Variants in RAB3A observed in about 807,000 individuals in gnomAD.
RAB3A encodes the protein ras-related protein Rab-3A.
In RAB3A, 5 loss-of-function variants were observed where a neutral mutation model predicts 19.7. That is an observed-to-expected ratio of 0.25 (90% confidence interval 0.13 to 0.53). RAB3A has a LOEUF of 0.53. RAB3A is among the 20% of genes least tolerant of loss of function. RAB3A has a pLI of 0.95. For missense variants in RAB3A, 189 were observed against 305.6 expected (o/e 0.62, Z 2.85); for synonymous variants, 119 against 122.1 (o/e 0.97, Z 0.17).
intron 4 of RAB3A, 38 bp from the exon 5 acceptor site, chr19:18,197,698 C>A (rs8109807): frequency 6.5e-7 from 1 of 1,537,194 alleles, no homozygotes; most frequent in African/African-American, 1.4e-5. Context: ...ACCCTGGCCA[C>A]GCCCTATGCC....
At chr19:18,203,588 AG>A (rs1343289531) in intron 1 of RAB3A, among the ~76,000 whole-genome samples, 1 of 152,128 alleles carries the variant, frequency 6.6e-6, no homozygotes, top group Non-Finnish European at 1.5e-5. Flanking sequence ...TGACACAGGC[AG>A]GCGCGCACAC....
chr19:18,203,703 G>A (rs1967645803), intron 1 of RAB3A, among the ~76,000 whole-genome samples, 193 bp downstream of exon 1: 1 of 152,132 alleles, frequency 6.6e-6, no homozygotes, highest in Non-Finnish European at 1.5e-5. Context: ...CAGGGGGGTT[G>A]GGGGGGTTAG....
In RAB3A at chr19:18,201,071, C is replaced by T. The variant is rs1307699121; in HGVS notation, c.229-626G>A. 3.3e-5 allele frequency among the ~76,000 whole-genome samples: 5 copies of T among 150,980 alleles called. No individual in the cohort carries two copies. The East Asian group carries it at 9.7e-4, about 29-fold the overall frequency. ...CCAACATGGTGAAACTCTGTCTCTA[C>T]TAAAAATACAAAAATTAGCTCGGCG... On this transcript the variant is annotated intron_variant, in intron 2 of 4. Transcript: ENST00000222256.
In RAB3A at chr19:18,202,573, G is replaced by A. The variant is rs1311494813; in HGVS notation, c.168C>T (p.Gly56=). The A allele has an allele frequency of 6.2e-7, 1 of 1,614,096 alleles. No homozygotes were observed. The highest frequency in any genetic ancestry group is 8.5e-7 in the Non-Finnish European group (1 of 1,180,052). The change falls in exon 2 of 5, where the codon GGC becomes GGT. Residue 56 remains glycine, a synonymous_variant. Transcript: ENST00000222256. This position sits in a 1 kb window ranked among gnomAD's most constrained non-coding sequence, Gnocchi z 4.2. ...SFTPAFVSTV[G]IDFKVKTIYR... Reference sequence around the variant, plus strand: ...AGATGGTCTTGACCTTGAAGTCGATGCCCACGGTGCTGACGAAGGCAGGCG... The same window carrying A: ...AGATGGTCTTGACCTTGAAGTCGATACCCACGGTGCTGACGAAGGCAGGCG...
chr19:18,201,800 G>T (rs1000267232), intron 2 of RAB3A, among the ~76,000 whole-genome samples: 52 of 152,164 alleles, frequency 3.4e-4, no homozygotes, highest in African/African-American at 1.2e-3. Flanking sequence ...AAGATGGAGA[G>T]AATTTAACTG....
At position 18,202,482 on chromosome 19, in the gene RAB3A, G is replaced by T; in HGVS notation, c.228+31C>A. 1 of 1,594,870 alleles carries T rather than the reference G, an allele frequency of 6.3e-7. No individual in the cohort carries two copies. Among genetic ancestry groups the T allele is most frequent in the Non-Finnish European group, 8.6e-7 (1 of 1,163,448 alleles). ...TTTCCAAGTACGGGAATCCAACCGAGCCGGGCGGGAGCCCTCCAGCTGGGA... is the reference window on the plus strand; with the variant it reads ...TTTCCAAGTACGGGAATCCAACCGATCCGGGCGGGAGCCCTCCAGCTGGGA... On this transcript the variant is annotated intron_variant, in intron 2 of 4. Transcript: ENST00000222256. This position sits in a 1 kb window ranked among gnomAD's most constrained non-coding sequence, Gnocchi z 4.2.
At chr19:18,203,535 C>T (rs748090809) in intron 1 of RAB3A, among the ~76,000 whole-genome samples, 10 of 152,186 alleles carry the variant, frequency 6.6e-5, no homozygotes, top group African/African-American at 1.9e-4. Flanking sequence ...CGGCGTCACA[C>T]GAGCATATCC....
rs375966031 is a variant in RAB3A at position 18,199,784 on chromosome 19, A to G, written c.347+543T>C. Among the ~76,000 whole-genome samples, 253 of 151,920 alleles carry G rather than the reference A, an allele frequency of 1.7e-3. 2 individuals carry two copies. Among genetic ancestry groups the G allele is most frequent in the African/African-American group, 5.7e-3 (237 of 41,412 alleles). On this transcript the variant is annotated intron_variant, in intron 3 of 4. Transcript: ENST00000222256. ...GGTGATCCACCTGCCTCAGCCTCCC[A>G]AAGTGCTGGGATTATAGGTGTGAGC...
chr19:18,201,756 T>G (rs1967615948), intron 2 of RAB3A, among the ~76,000 whole-genome samples: 1 of 151,848 alleles, frequency 6.6e-6, no homozygotes, highest in African/African-American at 2.4e-5. Flanking sequence ...TATTGGAGAG[T>G]GACAAGGACC....
At chr19:18,203,177 C>T (rs528877784) in intron 1 of RAB3A, among the ~76,000 whole-genome samples, 2 of 152,342 alleles carry the variant, frequency 1.3e-5, no homozygotes, top group Admixed American at 1.3e-4. Flanking sequence ...CCGCAAACCT[C>T]CAGGCCGGAG....
chr19:18,197,237 TG>T lies in RAB3A; in HGVS notation c.*232del. On this transcript the variant is annotated 3_prime_UTR_variant, in exon 5 of 5. Coordinates refer to ENST00000222256, the MANE Select transcript of RAB3A (RefSeq NM_002866.5). Reference sequence around the variant, plus strand: ...GGGGCCACGAGACACCACAGCTGAGTGGGGAAAGGGCTATATGTACAGGAGG... The same window carrying T: ...GGGGCCACGAGACACCACAGCTGAGTGGGAAAGGGCTATATGTACAGGAGG... 1 of 351,234 alleles carries T rather than the reference TG, an allele frequency of 2.8e-6. No individual in the cohort carries two copies. The highest frequency in any genetic ancestry group is 4.7e-6 in the Non-Finnish European group (1 of 210,748). The allele number at this position is 351,234 out of a possible 1,614,324, so 21.8% of individuals were successfully genotyped here. A position where few individuals can be genotyped will look rare whatever the true frequency, so the allele number is the denominator to read the frequency against.
rs370049249 is a variant in RAB3A at position 18,197,712 on chromosome 19, T to C, written c.473-52A>G. The C allele has an allele frequency of 1.8e-5, 27 of 1,465,276 alleles. No individual in the cohort carries two copies. The Admixed American group carries it at 3.6e-4, about 20-fold the overall frequency. The allele number at this position is 1,465,276 out of a possible 1,614,324, so 90.8% of individuals were successfully genotyped here. A position where few individuals can be genotyped will look rare whatever the true frequency, so the allele number is the denominator to read the frequency against. ...GACCCTGGCCACGCCCTATGCCAAC[T>C]CCCAGAGATGCTTCTCTGAGGAAAG... On this transcript the variant is annotated intron_variant, in intron 4 of 4. Coordinates refer to ENST00000222256, the MANE Select transcript of RAB3A (RefSeq NM_002866.5).
At position 18,197,496 on chromosome 19, in the gene RAB3A, G is replaced by A; in HGVS notation, c.637C>T (p.Pro213Ser). The change falls in exon 5 of 5, where the codon CCA becomes TCA. Residue 213 changes from proline to serine, a missense_variant. Transcript: ENST00000222256. ...CAGCAGGCGCAGTCCTGGTGCGGTGGCACCTGCTGGTCACTGAGCTGTGGG... is the reference window on the plus strand; with the variant it reads ...CAGCAGGCGCAGTCCTGGTGCGGTGACACCTGCTGGTCACTGAGCTGTGGG... ...QGPQLSDQQV[P>S]PHQDCAC 6.2e-7 allele frequency: 1 copy of A among 1,612,760 alleles called. No individual in the cohort carries two copies. The highest frequency in any genetic ancestry group is 8.5e-7 in the Non-Finnish European group (1 of 1,179,734).
chr19:18,202,770 A>AG lies in RAB3A; in HGVS notation c.1-31dup. The AG allele has an allele frequency of 7.0e-6, 11 of 1,563,636 alleles. No individual in the cohort carries two copies. Among genetic ancestry groups the AG allele is most frequent in the Non-Finnish European group, 9.7e-6 (11 of 1,138,442 alleles). ...GGATACCGGGTGTAGCAGAGCCGTG[A>AG]GGGGGGCTCTCTCCATCCTCATGTG... On this transcript the variant is annotated intron_variant, in intron 1 of 4. Transcript: ENST00000222256. This position sits in a 1 kb window ranked among gnomAD's most constrained non-coding sequence, Gnocchi z 4.2.
intron 4 of RAB3A, among the ~76,000 whole-genome samples, chr19:18,197,873 CTTTTTTTTT>C (rs56264905): frequency 8.9e-5 from 8 of 90,160 alleles, no homozygotes; most frequent in Non-Finnish European, 1.1e-4. Flanking sequence ...GCATTTCCTG[CTTTTTTTTT>C]TTTTTTTTTT....
In RAB3A at chr19:18,202,369, G is replaced by T; in HGVS notation, c.228+144C>A. The T allele has an allele frequency of 2.9e-6, 2 of 696,846 alleles. No homozygotes were observed. The highest frequency in any genetic ancestry group is 2.4e-6 in the Non-Finnish European group (1 of 411,824). 43.2% of individuals were successfully genotyped at this position (696,846 alleles called of 1,614,324 possible). A position where few individuals can be genotyped will look rare whatever the true frequency, so the allele number is the denominator to read the frequency against. ...AGAACACAGGTGCTGTTTCTGCCCC[G>T]GTACACAGTGGGCACCTTACTGATA... On this transcript the variant is annotated intron_variant, in intron 2 of 4. Transcript: ENST00000222256. The surrounding 1 kb of genome is among the most constrained non-coding windows in gnomAD (Gnocchi z 4.2).
At position 18,196,912 on chromosome 19, in the gene RAB3A, G is replaced by A. The variant is rs1305965037; in HGVS notation, c.*558C>T. ...CAGAACAGGTCTGGTGGGCGGGGGG[G>A]GGGGGGGTCCCAGGGTGGTGAATAC... is the stretch of plus-strand genomic sequence containing the variant. On this transcript the variant is annotated 3_prime_UTR_variant, in exon 5 of 5. Transcript: ENST00000222256. 1.4e-5 allele frequency: 2 copies of A among 143,530 alleles called. No individual in the cohort carries two copies. The highest frequency in any genetic ancestry group is 2.7e-5 in the African/African-American group (1 of 37,654). The allele number at this position is 143,530 out of a possible 1,614,324, so 8.9% of individuals were successfully genotyped here.
chr19:18,198,411 C>CT (rs1428858672), intron 4 of RAB3A, among the ~76,000 whole-genome samples: 1 of 152,158 alleles, frequency 6.6e-6, no homozygotes, highest in Non-Finnish European at 1.5e-5. Context: ...AGCCTGGCTC[C>CT]TCTCATGTGC....
At chr19:18,198,236 A>G (rs544753297) in intron 4 of RAB3A, among the ~76,000 whole-genome samples, 1 of 152,160 alleles carries the variant, frequency 6.6e-6, no homozygotes, top group South Asian at 2.1e-4. Context: ...CTCTCAGCAC[A>G]TGGTTGAGGC....
Sources: gnomAD v4.1 joint callset for allele counts (sites outside exome capture counted in the v4.1 genomes callset) on GRCh38, gnomAD v4.1.1 for gene constraint, Gnocchi (gnomAD v3.1) non-coding constraint, MANE v1.5 for transcripts, NCBI Gene and HGNC (gene_info 2026-07-23, HGNC 2026-07-21) for gene names.